Variants in NLRP7 observed in about 807,000 individuals in gnomAD.
NLRP7 encodes the protein NACHT, LRR and PYD domains-containing protein 7.
In NLRP7, 72 loss-of-function variants were observed where a neutral mutation model predicts 85.5. The observed-to-expected ratio is 0.84, with a 90% CI of 0.70 to 1.02. The LOEUF (loss-of-function observed/expected upper bound fraction) is 1.02. Among genes scored for constraint, NLRP7 ranks in the 50% least tolerant of loss-of-function variants. The pLI, the probability that NLRP7 is intolerant of heterozygous loss-of-function variation, is 0.00. For synonymous variants in NLRP7, 550 were observed against 505.2 expected (o/e 1.09, Z -1.19); for missense variants, 1,243 against 1,219.5 (o/e 1.02, Z -0.29).
exon 4 of NLRP7, chr19:54,939,934 T>C: frequency 1.2e-6 from 2 of 1,614,120 alleles, no homozygotes; most frequent in African/African-American, 2.7e-5. Context: ...CCAGCAAGGC[T>C]GCCCTGGGTA....
rs573176090 is a variant in NLRP7 at position 54,944,571 on chromosome 19, G to C, written c.-39-2821C>G. ...GTCTCCTGAGCCCACTTTTCTTTCT[G>C]TGTACTTTGTCTCTGTGTCTCTTTC... On this transcript the variant is annotated intron_variant, in intron 1 of 9. Coordinates refer to ENST00000340844, the Ensembl canonical transcript of NLRP7. Among the ~76,000 whole-genome samples the C allele has an allele frequency of 3.9e-5, 6 of 152,046 alleles. No homozygotes were observed. In the East Asian group the frequency reaches 1.2e-3, roughly 29 times the overall value.
Position 54,934,355 on chromosome 19 carries a change from C to G in NLRP7, c.2471+134G>C. ...CTGCTGAGATTACAGGCAGGAGCCA[C>G]CGTGCCGGGCCTGAAGCAGGTGTTT... is the stretch of plus-strand genomic sequence containing the variant. On this transcript the variant is annotated intron_variant, in intron 7 of 9. Coordinates refer to ENST00000340844, the Ensembl canonical transcript of NLRP7. The surrounding 1 kb of genome is among the most constrained non-coding windows in gnomAD (Gnocchi z 6.7). The G allele has an allele frequency of 1.1e-6, 1 of 897,294 alleles. No individual in the cohort carries two copies. The highest frequency in any genetic ancestry group is 1.9e-6 in the Non-Finnish European group (1 of 531,150). The allele number at this position is 897,294 out of a possible 1,614,324, so 55.6% of individuals were successfully genotyped here. A position where few individuals can be genotyped will look rare whatever the true frequency, so the allele number is the denominator to read the frequency against.
chr19:54,931,005 A>T (rs949987161), intron 8 of NLRP7, among the ~76,000 whole-genome samples: 1 of 152,096 alleles, frequency 6.6e-6, no homozygotes, highest in African/African-American at 2.4e-5. Flanking sequence ...CCCGGGCGAC[A>T]GAGCGAGACT....
At chr19:54,938,299 T>C in intron 4 of NLRP7, 58 bp from the exon 5 acceptor site, 3 of 1,403,512 alleles carry the variant, frequency 2.1e-6, no homozygotes, top group Non-Finnish European at 2.0e-6. Context: ...GAGATGGGCA[T>C]CTGCAAACCA....
At chr19:54,960,797 G>C (rs1020906098) in intron 1 of NLRP7, among the ~76,000 whole-genome samples, 1 of 151,520 alleles carries the variant, frequency 6.6e-6, no homozygotes, top group African/African-American at 2.4e-5. Context: ...GGGTTTCACC[G>C]TGTTAGCCAG....
intron 1 of NLRP7, among the ~76,000 whole-genome samples, chr19:54,956,387 G>A (rs2069854086): frequency 6.6e-6 from 1 of 151,828 alleles, no homozygotes; most frequent in Admixed American, 6.6e-5. Context: ...TCTGTGTTGA[G>A]TGTGAAAGTA....
At chr19:54,930,501 T>C in exon 9 of NLRP7, 1 of 1,599,352 alleles carries the variant, frequency 6.3e-7, no homozygotes, top group Non-Finnish European at 8.6e-7. Flanking sequence ...TCGCCTACCG[T>C]AGGTGTTTTA....
chr19:54,964,406 C>T (rs1040251767), intron 1 of NLRP7, among the ~76,000 whole-genome samples: 11 of 150,872 alleles, frequency 7.3e-5, no homozygotes, highest in South Asian at 6.2e-4. Flanking sequence ...TTAGTAGAGA[C>T]GGGGTTTCAC....
At chr19:54,964,207 T>C (rs1602258794) in intron 1 of NLRP7, among the ~76,000 whole-genome samples, 1 of 109,204 alleles carries the variant, frequency 9.2e-6, no homozygotes, top group African/African-American at 3.4e-5. Context: ...CTTATTTATA[T>C]GGTGTTTTTT....
chr19:54,924,012 G>A, intron 9 of NLRP7, 140 bp from the exon 11 acceptor site: 1 of 907,566 alleles, frequency 1.1e-6, no homozygotes. Flanking sequence ...CTGTTGCCCA[G>A]GCTGGGGTAC....
upstream of NLRP7, among the ~76,000 whole-genome samples, chr19:54,950,294 G>T (rs1227522387): frequency 6.6e-6 from 1 of 152,094 alleles, no homozygotes; most frequent in African/African-American, 2.4e-5. Flanking sequence ...TGAAAGGGCG[G>T]GTTGCCCCTC....
At chr19:54,930,767 A>G in intron 8 of NLRP7, 101 bp from the exon 9 acceptor site, 1 of 981,928 alleles carries the variant, frequency 1.0e-6, no homozygotes, top group Non-Finnish European at 1.6e-6. Flanking sequence ...ATATACTGGA[A>G]TGCAGTGCTG....
chr19:54,957,679 A>T (rs2069903573), intron 1 of NLRP7, among the ~76,000 whole-genome samples: 1 of 152,148 alleles, frequency 6.6e-6, no homozygotes, highest in Non-Finnish European at 1.5e-5. Flanking sequence ...AGGCAGCTAG[A>T]TGAGCTTCAA....
At chr19:54,947,769 C>T (rs1015521505), upstream of NLRP7, 61 of 694,134 alleles carry the variant, frequency 8.8e-5, no homozygotes, top group Non-Finnish European at 1.2e-4. Context: ...CTAGACCACC[C>T]GGGCCAGGTG....
intron 1 of NLRP7, among the ~76,000 whole-genome samples, chr19:54,959,156 T>TTTTTTTTTTTTA (rs2069952280): frequency 6.7e-6 from 1 of 150,234 alleles, no homozygotes; most frequent in African/African-American, 2.4e-5. Context: ...TTTTTTTTTT[T>TTTTTTTTTTTTA]GAGACAGAGT....
exon 6 of NLRP7, chr19:54,936,334 C>G: frequency 6.2e-7 from 1 of 1,614,070 alleles, no homozygotes; most frequent in Non-Finnish European, 8.5e-7. Context: ...CGTTCCCACT[C>G]GATGTGCCCT....
chr19:54,937,171 T>A (rs1445126724), intron 5 of NLRP7, among the ~76,000 whole-genome samples: 1 of 148,516 alleles, frequency 6.7e-6, no homozygotes, highest in South Asian at 2.1e-4. Context: ...TGAGCCGAGA[T>A]TGCTGCACTG....
intron 8 of NLRP7, among the ~76,000 whole-genome samples, chr19:54,932,500 G>A (rs1011253415): frequency 3.3e-5 from 5 of 151,834 alleles, no homozygotes; most frequent in African/African-American, 4.8e-5. Context: ...TCAACCCTAT[G>A]CAATCTCTTG....
chr19:54,939,607 C>T (rs1239620751), exon 4 of NLRP7: 1 of 1,611,018 alleles, frequency 6.2e-7, no homozygotes, highest in Non-Finnish European at 8.5e-7. Context: ...GCTGTGCGCC[C>T]TGCGGGAACC....
Sources: gnomAD v4.1 joint callset for allele counts (sites outside exome capture counted in the v4.1 genomes callset) on GRCh38, gnomAD v4.1.1 for gene constraint, Gnocchi (gnomAD v3.1) non-coding constraint, MANE v1.5 for transcripts, NCBI Gene and HGNC (gene_info 2026-07-23, HGNC 2026-07-21) for gene names.